NAGA: variants seen among roughly 807,000 people sequenced by gnomAD.
NAGA encodes the protein alpha-N-acetylgalactosaminidase.
A neutral mutation model predicts 45.6 loss-of-function variants in NAGA; 42 were observed. That is an observed-to-expected ratio of 0.92 (90% CI 0.72 to 1.19). The LOEUF (loss-of-function observed/expected upper bound fraction) is 1.19, where lower values mean the gene tolerates loss of function less well. Among genes scored for constraint, NAGA ranks in the 50% most tolerant of loss-of-function variants. NAGA has a pLI of 0.00. For missense variants in NAGA, 493 were observed against 544.8 expected, an observed-to-expected ratio of 0.90 and a Z score of 0.95; for synonymous variants, 176 against 203.1, an observed-to-expected ratio of 0.87 and a Z score of 1.13.
intron 5 of NAGA, 110 bp downstream of exon 5, chr22:42,066,599 TG>T: frequency 9.9e-7 from 1 of 1,008,272 alleles, no homozygotes; most frequent in Non-Finnish European, 1.5e-6. Context: ...TGGGCACCTG[TG>T]GTGAGAGCAG....
chr22:42,060,870 C>A, intron 8 of NAGA, 54 bp downstream of exon 8: 2 of 1,612,264 alleles, frequency 1.2e-6, no homozygotes, highest in African/African-American at 1.3e-5. Flanking sequence ...CCATAATACC[C>A]TCCCACAGAA....
Position 42,060,423 on chromosome 22 carries a change from G to A in NAGA, c.1102-10C>T. The A allele has an allele frequency of 6.2e-7, 1 of 1,612,606 alleles. No individual in the cohort carries two copies. On this transcript the variant is annotated splice_polypyrimidine_tract_variant and intron_variant, in intron 8 of 8. Transcript: ENST00000396398. Reference sequence around the variant, plus strand: ...AGTAGACGTCCTGGGCCTGCAGTGGGGAGGGACATCACCAATGCCACCATG... The same window carrying A: ...AGTAGACGTCCTGGGCCTGCAGTGGAGAGGGACATCACCAATGCCACCATG...
Position 42,062,999 on chromosome 22 carries a change from C to T in NAGA, c.785G>A (p.Ser262Asn), listed in dbSNP as rs757230396. Residue 262 changes from serine to asparagine, a missense_variant, in exon 7 of 9, where the codon AGC (serine) becomes AAC (asparagine). Ser to Asn is a conservative substitution (Grantham distance 46, BLOSUM62 1). Coordinates refer to ENST00000396398, the MANE Select transcript of NAGA (RefSeq NM_000262.3). ...DMLLIGNFGL[S>N]LEQSRAQMAL... is the part of the protein sequence containing the mutation. ...CATCTGGGCCCGGGATTGCTCTAAG[C>T]TGAGACCAAAGTTCCCAATGAGCAG... is the stretch of plus-strand genomic sequence containing the variant. 1.2e-6 allele frequency: 2 copies of T among 1,614,220 alleles called. No individual in the cohort carries two copies. Among genetic ancestry groups the T allele is most frequent in the Admixed American group, 3.3e-5 (2 of 60,032 alleles).
intron 6 of NAGA, among the ~76,000 whole-genome samples, chr22:42,064,677 C>T (rs1926621295): frequency 6.6e-6 from 1 of 151,976 alleles, no homozygotes; most frequent in African/African-American, 2.4e-5. Flanking sequence ...AAACAAAAAC[C>T]CCATGGGGGT....
At chr22:42,069,381 G>A (rs1337043880) in intron 1 of NAGA, among the ~76,000 whole-genome samples, 1 of 152,142 alleles carries the variant, frequency 6.6e-6, no homozygotes, top group African/African-American at 2.4e-5. Context: ...TTGGGAGGCC[G>A]AGGTGGGCGG....
intron 5 of NAGA, 39 bp from the exon 6 acceptor site, chr22:42,065,938 C>G (rs1251437439): frequency 6.2e-7 from 1 of 1,608,088 alleles, no homozygotes; most frequent in East Asian, 2.2e-5. Context: ...GCACCAGAAT[C>G]ACACGCTGCA....
chr22:42,060,762 C>T (rs1926325309), intron 8 of NAGA, among the ~76,000 whole-genome samples, 162 bp downstream of exon 8: 1 of 152,226 alleles, frequency 6.6e-6, no homozygotes, highest in Non-Finnish European at 1.5e-5. Flanking sequence ...CAGAGCACGG[C>T]ACTGGCTGCA....
intron 8 of NAGA, 98 bp from the exon 9 acceptor site, chr22:42,060,511 C>T: frequency 1.3e-6 from 2 of 1,551,946 alleles, no homozygotes; most frequent in Non-Finnish European, 1.8e-6. Context: ...TGGACTTTGG[C>T]CTGTCTGTGC....
chr22:42,065,791 G>C lies in NAGA; in HGVS notation c.706C>G (p.Gln236Glu), dbSNP rs1455122425. 1.9e-6 allele frequency: 3 copies of C among 1,613,964 alleles called. No individual in the cohort carries two copies. Among genetic ancestry groups the C allele is most frequent in the Non-Finnish European group, 2.5e-6 (3 of 1,180,050 alleles). Residue 236 changes from glutamine (Q) to glutamate (E), a missense_variant, in exon 6 of 9, where the codon CAG becomes GAG. Physicochemically the swap from Gln to Glu is conservative, Grantham distance 29 (BLOSUM62 2). Coordinates refer to ENST00000396398, the MANE Select transcript of NAGA (RefSeq NM_000262.3). ...CCGGCCACTGGCTGCAGTATGTCCT[G>C]GTGCTCCACGAACCAATTCAGGATG... ...LSILNWFVEH[Q>E]DILQPVAGPG... is the part of the protein sequence containing the mutation.
rs1926275382 is a variant in NAGA, at chr22:42,060,159, T to G, written c.*120A>C. 1 of 1,331,296 alleles carries G rather than the reference T, an allele frequency of 7.5e-7. No individual in the cohort carries two copies. The highest frequency in any genetic ancestry group is 1.1e-6 in the Non-Finnish European group (1 of 938,240). 82.5% of individuals were successfully genotyped at this position (1,331,296 alleles called of 1,614,324 possible). ...CCGTGAGATTGCACTTTGGGTATGA[T>G]GGGGTCAGTCACCGAGCAGGCCTGG... is the stretch of plus-strand genomic sequence containing the variant. On this transcript the variant is annotated 3_prime_UTR_variant, in exon 9 of 9. Coordinates refer to ENST00000396398, the MANE Select transcript of NAGA (RefSeq NM_000262.3).
intron 5 of NAGA, among the ~76,000 whole-genome samples, chr22:42,066,215 T>C (rs1243900805): frequency 7.1e-6 from 1 of 141,816 alleles, no homozygotes; most frequent in Non-Finnish European, 1.6e-5. Context: ...CCCACCCCCA[T>C]GTTCTCTCAG....
chr22:42,068,231 C>T (rs1412431659), intron 2 of NAGA, among the ~76,000 whole-genome samples: 1 of 152,126 alleles, frequency 6.6e-6, no homozygotes, highest in African/African-American at 2.4e-5. Flanking sequence ...GTCCCTGCCT[C>T]GTGACCAGGT....
chr22:42,065,625 G>A (rs1356301111), intron 6 of NAGA, 113 bp downstream of exon 6: 5 of 1,412,938 alleles, frequency 3.5e-6, no homozygotes, highest in Non-Finnish European at 4.9e-6. Flanking sequence ...CATTTCAGAA[G>A]CGCTGACCTA....
intron 3 of NAGA, 67 bp from the exon 4 acceptor site, chr22:42,067,357 G>A (rs1041891780): frequency 6.3e-7 from 1 of 1,590,666 alleles, no homozygotes; most frequent in Non-Finnish European, 8.6e-7. Flanking sequence ...AGGCATATCT[G>A]ACCCCGTCCC....
chr22:42,064,889 G>A (rs1273230734), intron 6 of NAGA, among the ~76,000 whole-genome samples: 1 of 152,184 alleles, frequency 6.6e-6, no homozygotes, highest in Non-Finnish European at 1.5e-5. Flanking sequence ...GGACCAAGGG[G>A]GACTCCTGAC....
intron 3 of NAGA, 44 bp downstream of exon 3, chr22:42,067,721 T>A: frequency 1.3e-6 from 2 of 1,547,864 alleles, no homozygotes; most frequent in Non-Finnish European, 8.9e-7. Flanking sequence ...GTGAAAGGAG[T>A]GGTCTAGCCC....
chr22:42,068,313 C>G, intron 2 of NAGA, 126 bp downstream of exon 2: 4 of 1,490,010 alleles, frequency 2.7e-6, no homozygotes, highest in South Asian at 2.3e-5. Flanking sequence ...CGAGTGACTT[C>G]TGGCTGCAGT....
chr22:42,061,008 G>A lies in NAGA; in HGVS notation c.1017C>T (p.Val339=), dbSNP rs947176158. 6.2e-7 allele frequency: 1 copy of A among 1,614,234 alleles called. No homozygotes were observed. The highest frequency in any genetic ancestry group is 1.3e-5 in the African/African-American group (1 of 75,066). The change falls in exon 8 of 9, where the codon GTC becomes GTT. Residue 339 remains valine (V), a synonymous_variant. Coordinates refer to ENST00000396398, the MANE Select transcript of NAGA (RefSeq NM_000262.3). ...GCATATCGGTCCTGCAGCTGAAGAAGACTAAGGCGCTAGCCTTGTTGGACA... is the reference window on the plus strand; with the variant it reads ...GCATATCGGTCCTGCAGCTGAAGAAAACTAAGGCGCTAGCCTTGTTGGACA... ...RPLSNKASAL[V]FFSCRTDMPY... is the part of the protein sequence containing the mutation.
rs1926761886 is a variant in NAGA, at chr22:42,066,803, C to T, written c.504G>A (p.Gly168=). The T allele has an allele frequency of 2.5e-6, 4 of 1,603,020 alleles. No individual in the cohort carries two copies. The highest frequency in any genetic ancestry group is 3.4e-6 in the Non-Finnish European group (4 of 1,174,920). ...CFSTPEERAQ[G]YPKMAAALNA... ...TCAGGGCAGCAGCCATCTTGGGGTA[C>T]CCTAGAGAAAGCCCAACCTGTTTCA... Residue 168 remains glycine, a splice_region_variant and synonymous_variant, in exon 5 of 9, where the codon GGG becomes GGA. Transcript: ENST00000396398.
Sources: gnomAD v4.1 joint callset for allele counts (sites outside exome capture counted in the v4.1 genomes callset) on GRCh38, gnomAD v4.1.1 for gene constraint, MANE v1.5 for transcripts, NCBI Gene and HGNC (gene_info 2026-07-23, HGNC 2026-07-21) for gene names.